VPS37C: variants seen among roughly 807,000 people sequenced by gnomAD.
The protein encoded by VPS37C is vacuolar protein sorting-associated protein 37C.
In VPS37C, 9 loss-of-function variants were observed where a neutral mutation model predicts 16.1. The ratio of observed to expected loss-of-function variants is 0.56; its 90% CI spans 0.34 to 0.97. The LOEUF is 0.97. VPS37C is among the 50% of genes least tolerant of loss of function. The pLI is 0.02. For synonymous variants in VPS37C, 207 were observed against 206.4 expected (o/e 1.00, Z -0.02); for missense variants, 479 against 472.7 (o/e 1.01, Z -0.12).
At chr11:61,140,209 C>A (rs1249216761) in intron 1 of VPS37C, among the ~76,000 whole-genome samples, 1 of 152,118 alleles carries the variant, frequency 6.6e-6, no homozygotes, top group Admixed American at 6.5e-5. Context: ...AATCAAGGAC[C>A]AAGGTTATAG....
chr11:61,146,128 C>G (rs616346), intron 1 of VPS37C, among the ~76,000 whole-genome samples: 5 of 152,124 alleles, frequency 3.3e-5, no homozygotes, highest in Non-Finnish European at 4.4e-5. Flanking sequence ...GAACAAGTCA[C>G]TGAAGACGTG....
chr11:61,144,574 A>C (rs542742032), intron 1 of VPS37C: 1 of 152,388 alleles, frequency 6.6e-6, no homozygotes, highest in Non-Finnish European at 1.5e-5. Flanking sequence ...ACCCAGGTGC[A>C]CAAGACAGGG....
chr11:61,133,561 C>A (rs1050710241), intron 3 of VPS37C, among the ~76,000 whole-genome samples: 1 of 152,166 alleles, frequency 6.6e-6, no homozygotes, highest in African/African-American at 2.4e-5. Context: ...CTACCCTACG[C>A]CATCCTGGGA....
chr11:61,155,449 T>C (rs1003456102), intron 1 of VPS37C, among the ~76,000 whole-genome samples: 2 of 152,022 alleles, frequency 1.3e-5, no homozygotes, highest in African/African-American at 4.8e-5. Flanking sequence ...CAGTGAGCTA[T>C]GATCACGCCA....
chr11:61,132,744 G>A (rs755510374), intron 4 of VPS37C: 25 of 731,746 alleles, frequency 3.4e-5, no homozygotes, highest in Admixed American at 9.3e-5. Flanking sequence ...CCTTGAAGGC[G>A]AGGACTGTCT....
chr11:61,135,714 G>A (rs140386705), intron 2 of VPS37C, among the ~76,000 whole-genome samples: 3 of 152,052 alleles, frequency 2.0e-5, no homozygotes, highest in East Asian at 1.9e-4. Context: ...ACCACCATAC[G>A]TGACTCTCAA....
intron 4 of VPS37C, chr11:61,132,866 C>G (rs995680471): frequency 1.9e-6 from 1 of 537,616 alleles, no homozygotes; most frequent in East Asian, 3.3e-5. Context: ...CTGGGAGGGC[C>G]TAGAAGCTTC....
intron 2 of VPS37C, among the ~76,000 whole-genome samples, chr11:61,137,529 G>A (rs772559600): frequency 2.0e-5 from 3 of 152,192 alleles, no homozygotes; most frequent in Non-Finnish European, 4.4e-5. Context: ...GCTTCCCATG[G>A]CACCATGCTC....
intron 1 of VPS37C, among the ~76,000 whole-genome samples, chr11:61,147,491 G>T (rs543406829): frequency 1.3e-5 from 2 of 152,196 alleles, no homozygotes; most frequent in South Asian, 4.2e-4. Context: ...GCAGCGCCAC[G>T]TCCCCAGCAA....
intron 1 of VPS37C, among the ~76,000 whole-genome samples, chr11:61,139,583 G>A (rs1001676141): frequency 2.0e-5 from 3 of 152,070 alleles, no homozygotes; most frequent in Non-Finnish European, 4.4e-5. Context: ...GAGGGCCATC[G>A]ATTGTCTGTG....
chr11:61,130,636 C>T lies in VPS37C; in HGVS notation c.*1184G>A, dbSNP rs1196636656. On this transcript the variant is annotated 3_prime_UTR_variant, in exon 5 of 5. Transcript: ENST00000301765. ...ACCAAGTTAACACTCATCACACCCC[C>T]TTTGTCTATTGTATTCATTCTTATT... 3.4e-6 allele frequency: 1 copy of T among 295,856 alleles called. No homozygotes were observed. The highest frequency in any genetic ancestry group is 6.4e-6 in the Non-Finnish European group (1 of 156,916). 18.3% of individuals were successfully genotyped at this position (295,856 alleles called of 1,614,324 possible). A position where few individuals can be genotyped will look rare whatever the true frequency, so the allele number is the denominator to read the frequency against.
intron 2 of VPS37C, 109 bp from the exon 3 acceptor site, chr11:61,134,316 G>T: frequency 7.9e-7 from 1 of 1,269,470 alleles, no homozygotes; most frequent in South Asian, 1.4e-5. Flanking sequence ...GGGCGGAGAG[G>T]CTCATCCTTG....
At chr11:61,149,814 A>AC (rs1028755388) in intron 1 of VPS37C, among the ~76,000 whole-genome samples, 5 of 151,928 alleles carry the variant, frequency 3.3e-5, no homozygotes, top group African/African-American at 4.8e-5. Flanking sequence ...ACTCCATCTG[A>AC]CCCCCCTTTG....
intron 3 of VPS37C, 91 bp downstream of exon 3, chr11:61,133,945 T>C (rs1423395135): frequency 6.9e-7 from 1 of 1,444,142 alleles, no homozygotes; most frequent in Non-Finnish European, 9.3e-7. Flanking sequence ...TGAAAAAATA[T>C]ACATAAAGCA....
In VPS37C at chr11:61,134,286, G is replaced by A. The variant is rs1370135208; in HGVS notation, c.94-79C>T. 2.7e-6 allele frequency: 4 copies of A among 1,490,874 alleles called. No individual in the cohort carries two copies. The African/African-American group carries it at 5.6e-5, about 21-fold the overall frequency. 92.4% of individuals were successfully genotyped at this position (1,490,874 alleles called of 1,614,324 possible). A position where few individuals can be genotyped will look rare whatever the true frequency, so the allele number is the denominator to read the frequency against. ...CTGGCAGCCTGGGTCAGGGGCTTCG[G>A]GGACACATTGCTCACCTTGGGGCGG... is the stretch of plus-strand genomic sequence containing the variant. On this transcript the variant is annotated intron_variant, in intron 2 of 4. Transcript: ENST00000301765.
chr11:61,142,346 C>T (rs1168882857), intron 1 of VPS37C, among the ~76,000 whole-genome samples: 12 of 152,192 alleles, frequency 7.9e-5, no homozygotes, highest in Admixed American at 7.9e-4. Flanking sequence ...ATCCTCCCAC[C>T]TCAGCCTCCT....
At chr11:61,151,224 A>C (rs972616573) in intron 1 of VPS37C, among the ~76,000 whole-genome samples, 1 of 152,228 alleles carries the variant, frequency 6.6e-6, no homozygotes, top group East Asian at 1.9e-4. Flanking sequence ...CGGTACGGAT[A>C]TCTTCAACTA....
At chr11:61,152,625 C>T (rs1443260544) in intron 1 of VPS37C, among the ~76,000 whole-genome samples, 1 of 152,138 alleles carries the variant, frequency 6.6e-6, no homozygotes, top group East Asian at 1.9e-4. Context: ...TATACAACGC[C>T]TTGTATCAGC....
chr11:61,147,790 T>C (rs941084213), intron 1 of VPS37C, among the ~76,000 whole-genome samples: 1 of 151,930 alleles, frequency 6.6e-6, no homozygotes, highest in Non-Finnish European at 1.5e-5. Flanking sequence ...TAGAGACAAC[T>C]TGCACTGCCC....
Sources: allele counts gnomAD v4.1 joint callset (sites outside exome capture counted in the v4.1 genomes callset), GRCh38; gene constraint gnomAD v4.1.1; transcripts MANE v1.5; gene names NCBI Gene and HGNC (gene_info 2026-07-23, HGNC 2026-07-21).